The following LHFPL4 variants were observed in gnomAD, a reference collection of about 807,000 sequenced individuals.
The protein encoded by LHFPL4 is LHFPL tetraspan subfamily member 4 protein.
LHFPL4 carries 6 observed loss-of-function variants against 20.0 expected under a neutral mutation model. The observed-to-expected ratio is 0.30, with a 90% CI of 0.16 to 0.59. LHFPL4 has a LOEUF of 0.59. LHFPL4 is among the 20% of genes least tolerant of loss of function. LHFPL4 has a pLI of 0.88. For synonymous variants in LHFPL4, 129 were observed against 143.8 expected, an observed-to-expected ratio of 0.90 and a Z score of 0.74; for missense variants, 215 against 331.2, an observed-to-expected ratio of 0.65 and a Z score of 2.72.
intron 2 of LHFPL4, among the ~76,000 whole-genome samples, chr3:9,538,306 C>T (rs1192198306): frequency 6.6e-6 from 1 of 152,158 alleles, no homozygotes; most frequent in African/African-American, 2.4e-5. Context: ...GATTGTCCAT[C>T]ATCTAGGAAT....
intron 2 of LHFPL4, among the ~76,000 whole-genome samples, chr3:9,545,786 G>A (rs1036118519): frequency 6.6e-6 from 1 of 151,982 alleles, no homozygotes; most frequent in Non-Finnish European, 1.5e-5. Flanking sequence ...GTGTGTGCCT[G>A]TAGTTCTAGC....
chr3:9,534,229 A>T (rs888908367), intron 2 of LHFPL4, among the ~76,000 whole-genome samples: 4 of 151,974 alleles, frequency 2.6e-5, no homozygotes, highest in Non-Finnish European at 5.9e-5. Flanking sequence ...AAAAAAAAAA[A>T]GTAGGGGGGT....
chr3:9,525,532 C>T (rs1281379866), intron 2 of LHFPL4, among the ~76,000 whole-genome samples: 6 of 152,186 alleles, frequency 3.9e-5, no homozygotes, highest in African/African-American at 1.4e-4. Context: ...TGGCTTTTTA[C>T]TTGCTGTTAG....
intron 2 of LHFPL4, among the ~76,000 whole-genome samples, chr3:9,540,452 T>A (rs149300539): frequency 2.6e-5 from 4 of 152,194 alleles, no homozygotes; most frequent in Non-Finnish European, 5.9e-5. Context: ...TTACTTCTTG[T>A]AATAGAGTGT....
chr3:9,508,586 A>G (rs534755549), intron 2 of LHFPL4, among the ~76,000 whole-genome samples: 3 of 152,340 alleles, frequency 2.0e-5, no homozygotes, highest in Admixed American at 6.5e-5. Context: ...AGGACTGGAC[A>G]TGGTGGAAAC....
chr3:9,519,856 A>T (rs539132711), intron 2 of LHFPL4, among the ~76,000 whole-genome samples: 1 of 151,842 alleles, frequency 6.6e-6, no homozygotes, highest in East Asian at 1.9e-4. Context: ...GAAGGGCTTC[A>T]CTATATTGCC....
chr3:9,542,483 T>C (rs1490559286), intron 2 of LHFPL4, among the ~76,000 whole-genome samples: 1 of 151,972 alleles, frequency 6.6e-6, no homozygotes, highest in Non-Finnish European at 1.5e-5. Flanking sequence ...TTTGAAAATG[T>C]TATGCTAAGT....
intron 2 of LHFPL4, among the ~76,000 whole-genome samples, chr3:9,518,083 C>T (rs2046315707): frequency 6.6e-6 from 1 of 152,026 alleles, no homozygotes; most frequent in Non-Finnish European, 1.5e-5. Context: ...AAATTTCCCC[C>T]ATTCCTAGTT....
At chr3:9,541,666 G>A (rs2046477190) in intron 2 of LHFPL4, among the ~76,000 whole-genome samples, 1 of 151,866 alleles carries the variant, frequency 6.6e-6, no homozygotes, top group Non-Finnish European at 1.5e-5. Context: ...CATCTAATAG[G>A]GAGGCCGGGG....
At chr3:9,540,467 GA>G (rs1254829136) in intron 2 of LHFPL4, among the ~76,000 whole-genome samples, 1 of 152,228 alleles carries the variant, frequency 6.6e-6, no homozygotes, top group Non-Finnish European at 1.5e-5. Flanking sequence ...GAGTGTGGCA[GA>G]AGTGATGGTG....
intron 1 of LHFPL4, among the ~76,000 whole-genome samples, chr3:9,553,177 G>A (rs529838594): frequency 6.6e-6 from 1 of 151,554 alleles, no homozygotes; most frequent in Non-Finnish European, 1.5e-5. Flanking sequence ...GGTAGAAGGA[G>A]GTCTGGTATT....
In LHFPL4 at chr3:9,499,022, C is replaced by T. The variant is rs1159497012; in HGVS notation, c.*3189G>A. 6.6e-6 allele frequency: 1 copy of T among 152,432 alleles called. No individual in the cohort carries two copies. The highest frequency in any genetic ancestry group is 1.5e-5 in the Non-Finnish European group (1 of 68,284). The allele number at this position is 152,432 out of a possible 1,614,324, so 9.4% of individuals were successfully genotyped here. On this transcript the variant is annotated 3_prime_UTR_variant, in exon 4 of 4. Transcript: ENST00000287585. ...TGGCTGCCGTGGCCTCTCCTGAGTC[C>T]CCAGATCAGGCAGAGAAAAGCGGGC... is the stretch of plus-strand genomic sequence containing the variant.
At chr3:9,538,010 T>C (rs757873016) in intron 2 of LHFPL4, among the ~76,000 whole-genome samples, 1 of 152,068 alleles carries the variant, frequency 6.6e-6, no homozygotes, top group Non-Finnish European at 1.5e-5. Flanking sequence ...CTTCATCCTA[T>C]GTCCTTTGTG....
chr3:9,525,653 T>C (rs1163248200), intron 2 of LHFPL4, among the ~76,000 whole-genome samples: 8 of 152,098 alleles, frequency 5.3e-5, no homozygotes, highest in Non-Finnish European at 1.2e-4. Context: ...ATTGCAACAA[T>C]GAGAAAGAAT....
Position 9,500,518 on chromosome 3 carries a change from TG to T in LHFPL4, c.*1692del, listed in dbSNP as rs1170478911. The T allele has an allele frequency of 6.6e-6, 1 of 152,168 alleles. No homozygotes were observed. The highest frequency in any genetic ancestry group is 1.9e-4 in the East Asian group (1 of 5,172). The allele number at this position is 152,168 out of a possible 1,614,324, so 9.4% of individuals were successfully genotyped here. A position where few individuals can be genotyped will look rare whatever the true frequency, so the allele number is the denominator to read the frequency against. On this transcript the variant is annotated 3_prime_UTR_variant, in exon 4 of 4. Coordinates refer to ENST00000287585, the MANE Select transcript of LHFPL4 (RefSeq NM_198560.3). Reference sequence around the variant, plus strand: ...ATCTGATTCCGGCTAGGGTCCAGAGTGGGGAGACAGGCAGGGGACTTCTAGG... The same window carrying T: ...ATCTGATTCCGGCTAGGGTCCAGAGTGGGAGACAGGCAGGGGACTTCTAGG...
At chr3:9,542,776 C>CA (rs1293035638) in intron 2 of LHFPL4, among the ~76,000 whole-genome samples, 1 of 143,790 alleles carries the variant, frequency 7.0e-6, no homozygotes, top group Admixed American at 7.2e-5. Context: ...CACTGTACTC[C>CA]AGCCTGGGTA....
rs540509447 is a variant in LHFPL4, at chr3:9,545,684, C to G, written c.406+6590G>C. Among the ~76,000 whole-genome samples the G allele has an allele frequency of 7.2e-5, 11 of 151,920 alleles. No homozygotes were observed. The South Asian group carries it at 1.7e-3, about 23-fold the overall frequency. The stretch of plus-strand genomic sequence containing the variant: ...TGAGCCAAGATCATGCCATTGCACT[C>G]CAGCCTGGGCAACAGAGTGAGACTC... On this transcript the variant is annotated intron_variant, in intron 2 of 3. Transcript: ENST00000287585.
At chr3:9,511,797 T>C (rs2046262769) in intron 2 of LHFPL4, among the ~76,000 whole-genome samples, 1 of 152,188 alleles carries the variant, frequency 6.6e-6, no homozygotes, top group Non-Finnish European at 1.5e-5. Context: ...CTTAAAGTTA[T>C]GGAAGAAATT....
At chr3:9,542,381 GGATA>G (rs2046482396) in intron 2 of LHFPL4, among the ~76,000 whole-genome samples, 2 of 152,154 alleles carry the variant, frequency 1.3e-5, no homozygotes, top group Admixed American at 1.3e-4. Context: ...GCTGATGAAT[GGATA>G]AACAAAACAT....
Sources: gnomAD v4.1 joint callset for allele counts (sites outside exome capture counted in the v4.1 genomes callset) on GRCh38, gnomAD v4.1.1 for gene constraint, MANE v1.5 for transcripts, NCBI Gene and HGNC (gene_info 2026-07-23, HGNC 2026-07-21) for gene names.